The following EDRF1 variants were observed in gnomAD, a reference collection of about 807,000 sequenced individuals.
The protein encoded by EDRF1 is erythroid differentiation-related factor 1.
A neutral mutation model predicts 148.7 loss-of-function variants in EDRF1; 69 were observed. The ratio of observed to expected loss-of-function variants is 0.46; its 90% CI spans 0.38 to 0.57. EDRF1 has a LOEUF of 0.57. Ranked by LOEUF, EDRF1 falls within the 20% of genes least tolerant of loss-of-function variation. EDRF1 has a pLI of 0.00. For synonymous variants in EDRF1, 515 were observed against 532.8 expected, an observed-to-expected ratio of 0.97 and a Z score of 0.46; for missense variants, 1,118 against 1,478.7, an observed-to-expected ratio of 0.76 and a Z score of 4.00.
chr10:125,738,418 A>C lies in EDRF1; in HGVS notation c.1954A>C (p.Lys652Gln). 1.2e-6 allele frequency: 2 copies of C among 1,614,130 alleles called. No individual in the cohort carries two copies. Among genetic ancestry groups the C allele is most frequent in the Non-Finnish European group, 1.7e-6 (2 of 1,180,004 alleles). ...AAGAGGGGGTCCCGAGGGGCTAGAG[A>C]AGCAGATGGCCTTGTTTTTGGACAA... ...SSRGGPEGLE[K>Q]QMALFLDKMG... Residue 652 changes from lysine (K) to glutamine (Q), a missense_variant, in exon 15 of 25, where the codon AAG becomes CAG. This residue lies in a region of EDRF1 where 954 missense variants were observed against 1,241.4 expected (regional missense o/e 0.77). Transcript: ENST00000356792.
chr10:125,749,609 A>G, intron 22 of EDRF1, 44 bp downstream of exon 22: 1 of 1,606,402 alleles, frequency 6.2e-7, no homozygotes, highest in African/African-American at 1.3e-5. Context: ...GCATTGGCTT[A>G]GTGCTGGATT....
At chr10:125,758,721 A>G (rs1850042830) in intron 24 of EDRF1, among the ~76,000 whole-genome samples, 1 of 152,040 alleles carries the variant, frequency 6.6e-6, no homozygotes, top group South Asian at 2.1e-4. Context: ...GTCTGTCTTT[A>G]TACTCTCACA....
Position 125,721,187 on chromosome 10 carries a change from C to T in EDRF1, c.109-17C>T, listed in dbSNP as rs1196601891. The T allele has an allele frequency of 3.1e-6, 5 of 1,612,442 alleles. No individual in the cohort carries two copies. Among genetic ancestry groups the T allele is most frequent in the Non-Finnish European group, 4.2e-6 (5 of 1,178,666 alleles). On this transcript the variant is annotated splice_polypyrimidine_tract_variant and intron_variant, in intron 1 of 24. Coordinates refer to ENST00000356792, the MANE Select transcript of EDRF1 (RefSeq NM_001202438.2). Reference sequence around the variant, plus strand: ...CTTAGTAATTTTCATTAAAGTTTCACCCAATGTGTTAATTAGGGATCAGCT... The same window carrying T: ...CTTAGTAATTTTCATTAAAGTTTCATCCAATGTGTTAATTAGGGATCAGCT...
chr10:125,733,067 T>C (rs531926400), intron 9 of EDRF1, among the ~76,000 whole-genome samples: 1 of 152,276 alleles, frequency 6.6e-6, no homozygotes, highest in South Asian at 2.1e-4. Context: ...TTTACCATCT[T>C]CCCAGTTGAA....
intron 18 of EDRF1, chr10:125,745,413 G>C: frequency 4.7e-6 from 2 of 423,512 alleles, no homozygotes; most frequent in Non-Finnish European, 4.4e-6. Flanking sequence ...TACTGGATTA[G>C]GATCCCACCC....
At chr10:125,737,302 C>G (rs893110329) in intron 13 of EDRF1, among the ~76,000 whole-genome samples, 2 of 152,152 alleles carry the variant, frequency 1.3e-5, no homozygotes, top group Non-Finnish European at 2.9e-5. Flanking sequence ...TCTTAGTATT[C>G]ATATAAACAT....
intron 16 of EDRF1, 131 bp downstream of exon 16, chr10:125,740,782 T>G: frequency 8.6e-7 from 1 of 1,160,922 alleles, no homozygotes; most frequent in South Asian, 1.3e-5. Flanking sequence ...TTTCCAATCC[T>G]GTGTGTGTTA....
At chr10:125,755,683 A>G (rs1038601112) in intron 24 of EDRF1, among the ~76,000 whole-genome samples, 5 of 152,228 alleles carry the variant, frequency 3.3e-5, no homozygotes, top group Non-Finnish European at 7.3e-5. Context: ...TGGATACAGT[A>G]TTACTCAGGC....
intron 9 of EDRF1, 34 bp from the exon 10 acceptor site, chr10:125,733,370 C>T (rs1276855165): frequency 6.5e-7 from 1 of 1,529,130 alleles, no homozygotes. Flanking sequence ...TGGGTTTTCT[C>T]TTAAACTGCT....
chr10:125,729,869 A>G (rs1848419005), intron 8 of EDRF1, among the ~76,000 whole-genome samples: 1 of 152,214 alleles, frequency 6.6e-6, no homozygotes, highest in Non-Finnish European at 1.5e-5. Context: ...AGTTTATTTA[A>G]TTAGTTAGAT....
Position 125,747,923 on chromosome 10 carries a change from G to T in EDRF1, c.3034G>T (p.Val1012Leu). Reference sequence around the variant, plus strand: ...CCTAAAATACTGCGATGTGGATTCAGTGTCTGCTCGACAGCCCCTTTGTCA... The same window carrying T: ...CCTAAAATACTGCGATGTGGATTCATTGTCTGCTCGACAGCCCCTTTGTCA... ...KSLKYCDVDS[V>L]SARQPLCQYR... Residue 1012 changes from valine to leucine, a missense_variant, in exon 21 of 25, where the codon GTG becomes TTG. This residue lies in a region of EDRF1 where 954 missense variants were observed against 1,241.4 expected (regional missense o/e 0.77). Coordinates refer to ENST00000356792, the MANE Select transcript of EDRF1 (RefSeq NM_001202438.2). 2 of 1,614,186 alleles carry T rather than the reference G, an allele frequency of 1.2e-6. No individual in the cohort carries two copies. The highest frequency in any genetic ancestry group is 1.7e-6 in the Non-Finnish European group (2 of 1,180,036).
chr10:125,758,194 A>G (rs1017374135), intron 24 of EDRF1, among the ~76,000 whole-genome samples: 4 of 152,166 alleles, frequency 2.6e-5, no homozygotes, highest in Non-Finnish European at 5.9e-5. Context: ...CCCTGGGTTC[A>G]TTCTTACAGT....
At chr10:125,761,130 G>GC (rs1202796012) in intron 24 of EDRF1, 3 of 296,820 alleles carry the variant, frequency 1.0e-5, no homozygotes, top group Non-Finnish European at 2.0e-5. Context: ...AATAAACAAG[G>GC]CTTAATAATT....
chr10:125,751,600 A>C (rs1449561603), intron 22 of EDRF1, among the ~76,000 whole-genome samples: 1 of 152,134 alleles, frequency 6.6e-6, no homozygotes, highest in Non-Finnish European at 1.5e-5. Flanking sequence ...GTGGGATTAT[A>C]CTTCTAAAGG....
chr10:125,741,017 C>T lies in EDRF1; in HGVS notation c.2187C>T (p.Leu729=). Residue 729 remains leucine (L), a synonymous_variant, in exon 17 of 25, where the codon CTC becomes CTT. Coordinates refer to ENST00000356792, the MANE Select transcript of EDRF1 (RefSeq NM_001202438.2). The part of the protein sequence containing the change: ...ALQSHDTYCC[L]CTNMLSEVLL... ...TCTAAACAGATACTTATTGCTGCCT[C>T]TGCACCAATATGCTTTCCGAAGTGC... 1 of 1,614,022 alleles carries T rather than the reference C, an allele frequency of 6.2e-7. No homozygotes were observed. Among genetic ancestry groups the T allele is most frequent in the East Asian group, 2.2e-5 (1 of 44,882 alleles).
At chr10:125,742,880 T>C in intron 17 of EDRF1, 178 bp from the exon 18 acceptor site, 1 of 860,914 alleles carries the variant, frequency 1.2e-6, no homozygotes, top group Non-Finnish European at 1.4e-6. Flanking sequence ...AAATATAATT[T>C]TATAAATAAA....
Position 125,725,581 on chromosome 10 carries a change from A to G in EDRF1, c.636-101A>G, listed in dbSNP as rs1229043052. The G allele has an allele frequency of 1.1e-5, 17 of 1,568,164 alleles. No individual in the cohort carries two copies. The South Asian group carries it at 1.4e-4, about 12-fold the overall frequency. ...TTGTTTCATATTTCTTTTTTACAAG[A>G]TGTATGCTTAATTACAGATTGTAGT... On this transcript the variant is annotated intron_variant, in intron 5 of 24. Coordinates refer to ENST00000356792, the MANE Select transcript of EDRF1 (RefSeq NM_001202438.2).
chr10:125,751,867 G>A (rs1354359138), intron 22 of EDRF1: 5 of 152,224 alleles, frequency 3.3e-5, no homozygotes, highest in Admixed American at 6.5e-5. Flanking sequence ...TTCTAAGCGC[G>A]GAGCTCCCAG....
rs1479767829 is a variant in EDRF1 at position 125,747,556 on chromosome 10, A to G, written c.2835A>G (p.Lys945=). The G allele has an allele frequency of 6.2e-7, 1 of 1,614,190 alleles. No homozygotes were observed. The highest frequency in any genetic ancestry group is 2.2e-5 in the East Asian group (1 of 44,886). Reference sequence around the variant, plus strand: ...TGCAGGCTATTGATTACTATTTGAAAGCGCTAAGGTCATTGGGAACACGAG... The same window carrying G: ...TGCAGGCTATTGATTACTATTTGAAGGCGCTAAGGTCATTGGGAACACGAG... ...YYNKAIDYYL[K]ALRSLGTRDI... The change falls in exon 20 of 25, where the codon AAA becomes AAG. Residue 945 remains lysine (K), a synonymous_variant. Transcript: ENST00000356792.
Sources: allele counts gnomAD v4.1 joint callset (sites outside exome capture counted in the v4.1 genomes callset), GRCh38; gene constraint gnomAD v4.1.1; regional missense constraint gnomAD v4.1.1; transcripts MANE v1.5; gene names NCBI Gene and HGNC (gene_info 2026-07-23, HGNC 2026-07-21).